The following ILKAP variants were observed in gnomAD, a reference collection of about 807,000 sequenced individuals.
ILKAP encodes the protein integrin-linked kinase-associated serine/threonine phosphatase 2C.
A neutral mutation model predicts 49.1 loss-of-function variants in ILKAP; 11 were observed. The observed-to-expected ratio is 0.22, with a 90% CI of 0.14 to 0.37. The LOEUF is 0.37. Among genes scored for constraint, ILKAP ranks in the 10% least tolerant of loss-of-function variants. The pLI is 1.00. For missense variants in ILKAP, 363 were observed against 510.8 expected (o/e 0.71, Z 2.79); for synonymous variants, 186 against 192.8 (o/e 0.96, Z 0.29).
intron 2 of ILKAP, 77 bp downstream of exon 2, chr2:238,194,728 G>T: frequency 7.0e-7 from 1 of 1,423,164 alleles, no homozygotes; most frequent in Non-Finnish European, 9.9e-7. Flanking sequence ...GGGGGAAAGG[G>T]AAAAAGATTG....
At chr2:238,175,873 C>T (rs1271075267) in intron 9 of ILKAP, among the ~76,000 whole-genome samples, 1 of 151,870 alleles carries the variant, frequency 6.6e-6, no homozygotes, top group Non-Finnish European at 1.5e-5. Context: ...TAGCTTCAAG[C>T]TCCTGGACTC....
chr2:238,189,631 T>C (rs1011549794), intron 4 of ILKAP: 5 of 347,412 alleles, frequency 1.4e-5, no homozygotes, highest in Non-Finnish European at 2.1e-5. Flanking sequence ...GGAACAAATG[T>C]AGGTTTCCTA....
At position 238,182,280 on chromosome 2, in the gene ILKAP, G is replaced by A. The variant is rs1176569020; in HGVS notation, c.715-94C>T. 4 of 1,437,722 alleles carry A rather than the reference G, an allele frequency of 2.8e-6. No homozygotes were observed. In the East Asian group the frequency reaches 9.5e-5, roughly 34 times the overall value. 89.1% of individuals were successfully genotyped at this position (1,437,722 alleles called of 1,614,324 possible). A position where few individuals can be genotyped will look rare whatever the true frequency, so the allele number is the denominator to read the frequency against. ...AAAACAGTTAACAATGGAGTTTGAA[G>A]AAAACAGTTAACAATGGAGTTTCAC... On this transcript the variant is annotated intron_variant, in intron 8 of 11. Transcript: ENST00000254654.
chr2:238,190,549 G>A (rs1392024568), intron 3 of ILKAP, among the ~76,000 whole-genome samples: 2 of 152,158 alleles, frequency 1.3e-5, no homozygotes, highest in African/African-American at 2.4e-5. Context: ...TCAAAGAGGT[G>A]TGCAACTTAA....
Position 238,188,124 on chromosome 2 carries a change from G to A in ILKAP, c.425+7C>T. ...GCCAGCCGGGCTTCCTACCACATGA[G>A]ACTCACATGAGGGACGATGGGGGCC... On this transcript the variant is annotated splice_region_variant and intron_variant, in intron 5 of 11. Coordinates refer to ENST00000254654, the MANE Select transcript of ILKAP (RefSeq NM_030768.3). 6.2e-7 allele frequency: 1 copy of A among 1,613,760 alleles called. No homozygotes were observed. The highest frequency in any genetic ancestry group is 8.5e-7 in the Non-Finnish European group (1 of 1,179,754).
At chr2:238,170,799 CA>C (rs1301255681) in intron 11 of ILKAP, 123 bp from the exon 12 acceptor site, 2 of 1,479,288 alleles carry the variant, frequency 1.4e-6, no homozygotes, top group Non-Finnish European at 1.9e-6. Flanking sequence ...ACAAACTGAC[CA>C]GTGAGTCAGT....
chr2:238,178,800 A>T (rs576393996), intron 9 of ILKAP, among the ~76,000 whole-genome samples: 334 of 151,514 alleles, frequency 2.2e-3, no homozygotes, highest in African/African-American at 7.2e-3. Context: ...AATTATTATT[A>T]TTTTTTTTTA....
intron 9 of ILKAP, among the ~76,000 whole-genome samples, chr2:238,176,345 C>T (rs990995295): frequency 7.2e-5 from 11 of 152,072 alleles, no homozygotes; most frequent in African/African-American, 2.7e-4. Context: ...CCTGGCCAGG[C>T]TGGTCTTGAA....
intron 8 of ILKAP, among the ~76,000 whole-genome samples, chr2:238,182,721 G>C (rs1051891565): frequency 6.6e-6 from 1 of 152,194 alleles, no homozygotes; most frequent in African/African-American, 2.4e-5. Flanking sequence ...TCACAGAGCA[G>C]AGCCAGGATT....
rs1227083962 is a variant in ILKAP at position 238,189,900 on chromosome 2, T to G, written c.251A>C (p.Glu84Ala). 1 of 1,613,982 alleles carries G rather than the reference T, an allele frequency of 6.2e-7. No individual in the cohort carries two copies. The highest frequency in any genetic ancestry group is 8.5e-7 in the Non-Finnish European group (1 of 1,179,950). ...GKGAKRKTSEEEKNGSEELVE... is the reference protein window; with the variant it reads ...GKGAKRKTSEAEKNGSEELVE... ...AAGCTCTTCACTGCCATTCTTCTCT[T>G]CCTCGGAGGTTTTTCTCTTTGCTCC... Residue 84 changes from glutamate to alanine, a missense_variant, in exon 4 of 12, where the codon GAA becomes GCA. By Grantham distance (107) the Glu-to-Ala change is moderately radical (BLOSUM62 -1). This residue lies in a region of ILKAP where 114 missense variants were observed against 116.0 expected (regional missense o/e 0.98). Coordinates refer to ENST00000254654, the MANE Select transcript of ILKAP (RefSeq NM_030768.3).
intron 10 of ILKAP, 129 bp from the exon 11 acceptor site, chr2:238,171,153 CTTTTT>C (rs1246251216): frequency 1.2e-4 from 59 of 509,236 alleles, no homozygotes; most frequent in Admixed American, 8.2e-4. Flanking sequence ...TTTTTTTTTT[CTTTTT>C]TCTTTTTTTT....
chr2:238,197,024 C>G (rs951834753), intron 1 of ILKAP, among the ~76,000 whole-genome samples: 9 of 152,160 alleles, frequency 5.9e-5, no homozygotes, highest in Admixed American at 2.0e-4. Flanking sequence ...TGGTGAAACC[C>G]TGTCTCTCCA....
intron 2 of ILKAP, 114 bp downstream of exon 2, chr2:238,194,691 C>A: frequency 1.8e-6 from 2 of 1,092,530 alleles, no homozygotes; most frequent in Non-Finnish European, 2.7e-6. Context: ...GACAGTCCAA[C>A]ACCTAAAACA....
At chr2:238,190,093 C>T (rs1026099615) in intron 3 of ILKAP, 121 bp from the exon 4 acceptor site, 38 of 1,011,294 alleles carry the variant, frequency 3.8e-5, no homozygotes, top group Non-Finnish European at 5.4e-5. Flanking sequence ...GACTGGCAGA[C>T]ACAGGCAGAC....
intron 1 of ILKAP, among the ~76,000 whole-genome samples, chr2:238,197,964 T>C (rs1694413715): frequency 6.6e-6 from 1 of 151,878 alleles, no homozygotes; most frequent in East Asian, 1.9e-4. Flanking sequence ...CAGTAAGGAG[T>C]GGAGTGGGGA....
intron 10 of ILKAP, among the ~76,000 whole-genome samples, chr2:238,172,090 T>C (rs551879423): frequency 6.6e-6 from 1 of 152,308 alleles, no homozygotes; most frequent in East Asian, 1.9e-4. Flanking sequence ...TTCCCTCTTG[T>C]TGCCCAGGCT....
Position 238,178,333 on chromosome 2 carries a change from C to A in ILKAP, c.836+3732G>T, listed in dbSNP as rs1471899154. ...AGTGGCTGGGACCACAGGCGCACAC[C>A]ACCAGAACTGGCTCCATGGTGCCAT... On this transcript the variant is annotated intron_variant, in intron 9 of 11. Coordinates refer to ENST00000254654, the MANE Select transcript of ILKAP (RefSeq NM_030768.3). Among the ~76,000 whole-genome samples, 3 of 152,286 alleles carry A rather than the reference C, an allele frequency of 2.0e-5. No individual in the cohort carries two copies. In the East Asian group the frequency reaches 5.8e-4, roughly 29 times the overall value.
intron 1 of ILKAP, among the ~76,000 whole-genome samples, chr2:238,203,272 G>A (rs1694652921): frequency 6.6e-6 from 1 of 150,894 alleles, no homozygotes; most frequent in African/African-American, 2.4e-5. Flanking sequence ...TCCTTCCTGC[G>A]TAGCGAAAAT....
intron 10 of ILKAP, among the ~76,000 whole-genome samples, chr2:238,171,869 C>T (rs935236708): frequency 1.3e-5 from 2 of 152,136 alleles, no homozygotes; most frequent in Non-Finnish European, 2.9e-5. Context: ...GAATCAAACC[C>T]CCCTAGACCG....
Sources: gnomAD v4.1 joint callset for allele counts (sites outside exome capture counted in the v4.1 genomes callset) on GRCh38, gnomAD v4.1.1 for gene constraint, gnomAD v4.1.1 regional missense constraint, MANE v1.5 for transcripts, NCBI Gene and HGNC (gene_info 2026-07-23, HGNC 2026-07-21) for gene names.